Variants in CFAP61 observed in about 807,000 individuals in gnomAD.
CFAP61 encodes cilia and flagella associated protein 61.
A neutral mutation model predicts 135.6 loss-of-function variants in CFAP61; 107 were observed. The ratio of observed to expected loss-of-function variants is 0.79; its 90% CI spans 0.67 to 0.93. The LOEUF is 0.93. Ranked by LOEUF, CFAP61 falls within the 40% of genes least tolerant of loss-of-function variation. The pLI, the probability that CFAP61 is intolerant of heterozygous loss-of-function variation, is 0.00. For missense variants in CFAP61, 1,507 were observed against 1,556.2 expected (o/e 0.97, Z 0.53); for synonymous variants, 575 against 578.5 (o/e 0.99, Z 0.09).
chr20:20,236,568 T>A (rs1181982729), intron 18 of CFAP61, among the ~76,000 whole-genome samples: 1 of 152,228 alleles, frequency 6.6e-6, no homozygotes, highest in Non-Finnish European at 1.5e-5. Context: ...GAACCCATAT[T>A]CATAGTATTA....
chr20:20,156,702 T>C (rs6046667), intron 9 of CFAP61, among the ~76,000 whole-genome samples: 137,263 of 152,206 alleles, frequency 0.9, 62,710 homozygotes, highest in Middle Eastern at 0.99. Flanking sequence ...AATTTAGTTG[T>C]ATCTCTGTAT....
chr20:20,097,046 T>G (rs1460563075), intron 7 of CFAP61, among the ~76,000 whole-genome samples: 1 of 151,954 alleles, frequency 6.6e-6, no homozygotes, highest in Admixed American at 6.6e-5. Context: ...TGAGAACAAA[T>G]GATTTTTAAC....
At chr20:20,276,558 A>ATT (rs1424647186) in intron 21 of CFAP61, among the ~76,000 whole-genome samples, 1 of 151,836 alleles carries the variant, frequency 6.6e-6, no homozygotes, top group Non-Finnish European at 1.5e-5. Context: ...TTATTTTGTG[A>ATT]TTTTATTTTT....
chr20:20,360,392 G>T lies in CFAP61; in HGVS notation c.3696G>T (p.Ala1232=), dbSNP rs768757387. The change falls in exon 27 of 27, where the codon GCG becomes GCT. Residue 1232 remains alanine (A), a synonymous_variant. Coordinates refer to ENST00000245957, the MANE Select transcript of CFAP61 (RefSeq NM_015585.4). ...HYNRYHLPMY[A]WPGIV ...ACCGCTACCACCTGCCCATGTACGCGTGGCCAGGCATCGTTTAGTTGTAGG... is the reference window on the plus strand; with the variant it reads ...ACCGCTACCACCTGCCCATGTACGCTTGGCCAGGCATCGTTTAGTTGTAGG... 1 of 1,613,796 alleles carries T rather than the reference G, an allele frequency of 6.2e-7. No individual in the cohort carries two copies. The highest frequency in any genetic ancestry group is 1.7e-5 in the Admixed American group (1 of 60,028).
chr20:20,197,559 C>A (rs2056375130), intron 16 of CFAP61, among the ~76,000 whole-genome samples: 1 of 152,112 alleles, frequency 6.6e-6, no homozygotes, highest in South Asian at 2.1e-4. Context: ...ACCCCACACA[C>A]TCTCATGCAT....
In CFAP61 at chr20:20,199,848, TC is replaced by T. The variant is rs1251938021; in HGVS notation, c.1880del (p.Pro627LeufsTer7). 6.2e-7 allele frequency: 1 copy of T among 1,614,196 alleles called. No homozygotes were observed. Among genetic ancestry groups the T allele is most frequent in the Admixed American group, 1.7e-5 (1 of 60,026 alleles). On this transcript the variant is annotated frameshift_variant, in exon 17 of 27. Transcript: ENST00000245957. LOFTEE classifies it high-confidence loss of function. ...PVRPRRQIVY[P>X]LEKLGINAPS... ...TGCGACCACGACGACAGATTGTCTA[TC>T]CTCTGGAAAAGCTTGGCATAAACGC... is the stretch of plus-strand genomic sequence containing the variant.
At chr20:20,313,350 C>T (rs1281534413) in intron 25 of CFAP61, among the ~76,000 whole-genome samples, 1 of 152,198 alleles carries the variant, frequency 6.6e-6, no homozygotes, top group Non-Finnish European at 1.5e-5. Flanking sequence ...TTTAAGCCAC[C>T]CAATCTATAG....
chr20:20,134,558 T>C (rs1012616001), intron 8 of CFAP61, among the ~76,000 whole-genome samples: 2 of 152,322 alleles, frequency 1.3e-5, no homozygotes, highest in Admixed American at 1.3e-4. Flanking sequence ...AGGAAGACTT[T>C]ACAAAGGCCA....
chr20:20,159,539 A>G (rs1013104879), intron 10 of CFAP61, 95 bp downstream of exon 10: 21 of 1,084,910 alleles, frequency 1.9e-5, no homozygotes, highest in African/African-American at 4.7e-5. Flanking sequence ...CCTCCTCCCA[A>G]TCTCCCTGCC....
chr20:20,169,304 G>C lies in CFAP61; in HGVS notation c.1246-17G>C, dbSNP rs760193944. On this transcript the variant is annotated splice_polypyrimidine_tract_variant and intron_variant, in intron 12 of 26. Transcript: ENST00000245957. ...TTTTTTATTCTTTCTCTGTGTCCTGGTTTTTGATGATGTTAGGATAAGAAC... is the reference window on the plus strand; with the variant it reads ...TTTTTTATTCTTTCTCTGTGTCCTGCTTTTTGATGATGTTAGGATAAGAAC... 2 of 1,602,336 alleles carry C rather than the reference G, an allele frequency of 1.2e-6. No individual in the cohort carries two copies. Among genetic ancestry groups the C allele is most frequent in the South Asian group, 1.1e-5 (1 of 88,978 alleles).
rs899771903 is a variant in CFAP61, at chr20:20,268,969, C to T, written c.2503+5839C>T. Among the ~76,000 whole-genome samples the T allele has an allele frequency of 2.6e-5, 4 of 151,878 alleles. No individual in the cohort carries two copies. In the East Asian group the frequency reaches 7.7e-4, roughly 29 times the overall value. On this transcript the variant is annotated intron_variant, in intron 21 of 26. Coordinates refer to ENST00000245957, the MANE Select transcript of CFAP61 (RefSeq NM_015585.4). ...ATTAAAATTCCACTGCATGCATCAT[C>T]GAACAGAGGCTTTGTTATGTTATAT...
At chr20:20,290,820 G>A (rs2054950922) in intron 24 of CFAP61, among the ~76,000 whole-genome samples, 1 of 152,162 alleles carries the variant, frequency 6.6e-6, no homozygotes, top group South Asian at 2.1e-4. Context: ...CCTTGAAGTG[G>A]ATCCTGCAGC....
At chr20:20,198,381 A>G (rs552525797) in intron 16 of CFAP61, among the ~76,000 whole-genome samples, 2 of 152,320 alleles carry the variant, frequency 1.3e-5, no homozygotes, top group Non-Finnish European at 2.9e-5. Context: ...TAAAAATAAT[A>G]CCTTGGGCAT....
chr20:20,220,015 G>A (rs1426071692), intron 17 of CFAP61: 1 of 152,204 alleles, frequency 6.6e-6, no homozygotes, highest in Non-Finnish European at 1.5e-5. Flanking sequence ...CAACACCTGA[G>A]TCTGTATATT....
intron 26 of CFAP61, among the ~76,000 whole-genome samples, chr20:20,355,644 T>C (rs1182833949): frequency 7.9e-6 from 1 of 126,734 alleles, no homozygotes; most frequent in Admixed American, 8.3e-5. Context: ...TAAGGGGAGG[T>C]AGTCACACTG....
Position 20,196,707 on chromosome 20 carries a change from G to C in CFAP61, c.1728G>C (p.Lys576Asn). ...IFRHYTKFFL[K>N]EILRLGFKSC... ...GGCACTACACCAAGTTCTTTCTGAA[G>C]GAGATCCTGCGTTTAGGCTTTAAAT... The change falls in exon 16 of 27, where the codon AAG (lysine) becomes AAC (asparagine). Residue 576 changes from lysine to asparagine, a missense_variant. By Grantham distance (94) the Lys-to-Asn change is moderately conservative (BLOSUM62 0). Transcript: ENST00000245957. 1 of 1,614,150 alleles carries C rather than the reference G, an allele frequency of 6.2e-7. No homozygotes were observed.
At chr20:20,307,471 G>C (rs752299699) in intron 25 of CFAP61, among the ~76,000 whole-genome samples, 7 of 152,134 alleles carry the variant, frequency 4.6e-5, no homozygotes, top group Non-Finnish European at 8.8e-5. Context: ...ACTTTAGCTC[G>C]TGTGTTCCTG....
At chr20:20,162,142 C>T (rs150652738) in intron 10 of CFAP61, among the ~76,000 whole-genome samples, 2 of 152,292 alleles carry the variant, frequency 1.3e-5, no homozygotes, top group East Asian at 1.9e-4. Flanking sequence ...CTTCCTCCAT[C>T]TTCAGAGCTG....
At chr20:20,188,930 G>A (rs1569095256) in intron 14 of CFAP61, among the ~76,000 whole-genome samples, 1 of 152,110 alleles carries the variant, frequency 6.6e-6, no homozygotes, top group African/African-American at 2.4e-5. Context: ...GGCTATGCCT[G>A]TTTTTGAACT....
Sources: allele counts gnomAD v4.1 joint callset (sites outside exome capture counted in the v4.1 genomes callset), GRCh38; gene constraint gnomAD v4.1.1; transcripts MANE v1.5; gene names NCBI Gene and HGNC (gene_info 2026-07-23, HGNC 2026-07-21).